The following ULK4 variants were observed in gnomAD, a reference collection of about 807,000 sequenced individuals.
The protein encoded by ULK4 is unc-51 like kinase 4.
In ULK4, 133 loss-of-function variants were observed where a neutral mutation model predicts 160.6. The ratio of observed to expected loss-of-function variants is 0.83; its 90% CI spans 0.72 to 0.96. ULK4 has a LOEUF of 0.96. Among genes scored for constraint, ULK4 ranks in the 40% least tolerant of loss-of-function variants. ULK4 has a pLI of 0.00. For missense variants in ULK4, 1,580 were observed against 1,499.5 expected (o/e 1.05, Z -0.89); for synonymous variants, 534 against 539.8 (o/e 0.99, Z 0.15).
chr3:41,747,558 C>A (rs1197382976), intron 22 of ULK4, among the ~76,000 whole-genome samples: 1 of 152,034 alleles, frequency 6.6e-6, no homozygotes, highest in East Asian at 1.9e-4. Context: ...CTGTTCCCCC[C>A]AAAATTCATA....
intron 21 of ULK4, among the ~76,000 whole-genome samples, chr3:41,771,660 A>G (rs1293013430): frequency 6.6e-6 from 1 of 152,120 alleles, no homozygotes; most frequent in East Asian, 1.9e-4. Context: ...AATACCTAAT[A>G]CCATCACTAC....
At chr3:41,428,716 T>C (rs906075877) in intron 34 of ULK4, among the ~76,000 whole-genome samples, 1 of 152,092 alleles carries the variant, frequency 6.6e-6, no homozygotes, top group South Asian at 2.1e-4. Context: ...TGGCTAGTCA[T>C]ATGGAAAAAA....
intron 31 of ULK4, among the ~76,000 whole-genome samples, chr3:41,579,162 G>A (rs952887062): frequency 4.6e-5 from 7 of 152,122 alleles, no homozygotes; most frequent in African/African-American, 1.2e-4. Context: ...AAGGCTTGGC[G>A]TTTTCATATT....
At chr3:41,681,405 C>T (rs1167060669) in intron 29 of ULK4, 103 bp downstream of exon 29, 2 of 1,495,598 alleles carry the variant, frequency 1.3e-6, no homozygotes, top group East Asian at 2.3e-5. Context: ...TGTGTATAAA[C>T]ATAAGGACAT....
intron 32 of ULK4, among the ~76,000 whole-genome samples, chr3:41,563,325 AATT>A (rs2087668926): frequency 6.6e-6 from 1 of 151,986 alleles, no homozygotes; most frequent in Non-Finnish European, 1.5e-5. Flanking sequence ...TGAATCTGAC[AATT>A]ATGTGTCTTG....
chr3:41,554,497 A>C (rs1232394743), intron 32 of ULK4, among the ~76,000 whole-genome samples: 1 of 152,148 alleles, frequency 6.6e-6, no homozygotes, highest in African/African-American at 2.4e-5. Context: ...GTGCAATCTA[A>C]AAAAGTTGAT....
At chr3:41,305,221 C>CTCTCCCTCTCCCCACGG (rs1336806049) in intron 35 of ULK4, among the ~76,000 whole-genome samples, 5 of 151,878 alleles carry the variant, frequency 3.3e-5, no homozygotes, top group African/African-American at 1.2e-4. Flanking sequence ...CACGGTCTCC[C>CTCTCCCTCTCCCCACGG]TCTCCCTCTC....
chr3:41,594,137 T>G (rs1575462488), intron 31 of ULK4, among the ~76,000 whole-genome samples: 1 of 152,190 alleles, frequency 6.6e-6, no homozygotes, highest in East Asian at 1.9e-4. Flanking sequence ...TATAAGTTAT[T>G]TCTTAGATGT....
chr3:41,774,125 GA>G lies in ULK4; in HGVS notation c.2193+15535del, dbSNP rs545465859. On this transcript the variant is annotated intron_variant, in intron 21 of 36. Coordinates refer to ENST00000301831, the MANE Select transcript of ULK4 (RefSeq NM_017886.4). ...ACCTAAAACCATAAAGAGCCTAGAA[GA>G]AAACCTAGGCATTACCATTCAGGAC... 9.5e-4 allele frequency among the ~76,000 whole-genome samples: 144 copies of G among 152,230 alleles called. 3 individuals are homozygous for G. Among genetic ancestry groups the G allele is most frequent in the South Asian group, 9.3e-3 (45 of 4,820 alleles).
intron 32 of ULK4, among the ~76,000 whole-genome samples, chr3:41,538,320 T>C (rs965805861): frequency 1.3e-5 from 2 of 151,790 alleles, no homozygotes; most frequent in South Asian, 2.1e-4. Flanking sequence ...CCTACTGGTG[T>C]AGCCACAGCA....
chr3:41,433,841 T>C (rs956009816), intron 34 of ULK4, among the ~76,000 whole-genome samples: 1 of 152,156 alleles, frequency 6.6e-6, no homozygotes, highest in Non-Finnish European at 1.5e-5. Flanking sequence ...TGCCTCAGCC[T>C]CCAGACTAGC....
At chr3:41,591,321 T>TG (rs1379070713) in intron 31 of ULK4, among the ~76,000 whole-genome samples, 1 of 152,090 alleles carries the variant, frequency 6.6e-6, no homozygotes, top group African/African-American at 2.4e-5. Flanking sequence ...TATCTCTGCA[T>TG]GGAAAAAAAA....
At chr3:41,455,338 A>G (rs931573215) in intron 34 of ULK4, among the ~76,000 whole-genome samples, 159 bp downstream of exon 34, 3 of 152,230 alleles carry the variant, frequency 2.0e-5, no homozygotes, top group Non-Finnish European at 2.9e-5. Flanking sequence ...AAAATAAAGT[A>G]GAGATTTAGT....
chr3:41,487,925 T>C (rs1364528244), intron 32 of ULK4, among the ~76,000 whole-genome samples: 3 of 151,986 alleles, frequency 2.0e-5, no homozygotes, highest in African/African-American at 7.3e-5. Context: ...AAAAGACAAA[T>C]ACCCCAGTTA....
intron 5 of ULK4, among the ~76,000 whole-genome samples, chr3:41,926,078 G>C (rs900161336): frequency 4.6e-5 from 7 of 152,128 alleles, no homozygotes; most frequent in African/African-American, 1.7e-4. Flanking sequence ...GTAGGGGCCA[G>C]CAGACACCTC....
At position 41,712,146 on chromosome 3, in the gene ULK4, T is replaced by A. The variant is rs142581941; in HGVS notation, c.2634+3091A>T. The stretch of plus-strand genomic sequence containing the variant: ...AAAATTTACAAAAAATTAATTCTTG[T>A]ATTTATGCCTCCATATATAAGAAGT... On this transcript the variant is annotated intron_variant, in intron 25 of 36. Transcript: ENST00000301831. Among the ~76,000 whole-genome samples, 122 of 152,354 alleles carry A rather than the reference T, an allele frequency of 8.0e-4. 1 individual carries two copies. Among genetic ancestry groups the A allele is most frequent in the African/African-American group, 2.8e-3 (117 of 41,576 alleles).
chr3:41,930,772 A>G (rs1349267356), intron 5 of ULK4, among the ~76,000 whole-genome samples: 1 of 152,238 alleles, frequency 6.6e-6, no homozygotes, highest in East Asian at 1.9e-4. Context: ...CAGAAATGCA[A>G]ATCAAAACCA....
chr3:41,365,471 A>G (rs1424968198), intron 35 of ULK4, among the ~76,000 whole-genome samples: 6 of 152,254 alleles, frequency 3.9e-5, no homozygotes, highest in Admixed American at 3.3e-4. Flanking sequence ...GAAAATTAAT[A>G]TAACATAGGA....
At chr3:41,582,624 G>A (rs2030464765) in intron 31 of ULK4, among the ~76,000 whole-genome samples, 1 of 152,106 alleles carries the variant, frequency 6.6e-6, no homozygotes. Context: ...CGGCCCTGTT[G>A]GCTTCTGGGC....
Sources: allele counts gnomAD v4.1 joint callset (sites outside exome capture counted in the v4.1 genomes callset), GRCh38; gene constraint gnomAD v4.1.1; transcripts MANE v1.5; gene names NCBI Gene and HGNC (gene_info 2026-07-23, HGNC 2026-07-21).